The following PHKA2 variants were observed in gnomAD, a reference collection of about 807,000 sequenced individuals.
The protein encoded by PHKA2 is phosphorylase b kinase regulatory subunit alpha, liver isoform.
Under a neutral mutation model 102.0 loss-of-function variants are expected in PHKA2, and 31 were observed. That is an observed-to-expected ratio of 0.30 (90% CI 0.23 to 0.41). The LOEUF is 0.41. PHKA2 is among the 10% of genes least tolerant of loss of function. PHKA2 has a pLI of 1.00. For missense variants in PHKA2, 858 were observed against 1,023.1 expected (o/e 0.84, Z 2.20); for synonymous variants, 455 against 416.2 (o/e 1.09, Z -1.13).
chrX:18,971,028 T>C (rs964144279), intron 1 of PHKA2, among the ~76,000 whole-genome samples: 1 of 112,753 alleles, frequency 8.9e-6, no homozygotes, highest in Non-Finnish European at 1.9e-5. Context: ...ACACTGAAGA[T>C]GGTAAGGCCA....
chrX:18,975,967 CTTTTTTTTT>C (rs200764030), intron 1 of PHKA2, among the ~76,000 whole-genome samples: 22 of 62,985 alleles, frequency 3.5e-4, no homozygotes, highest in African/African-American at 1.4e-3. Flanking sequence ...AAGTCAAATT[CTTTTTTTTT>C]TTTTTTTTTT....
chrX:18,969,474 A>C (rs1284911721), intron 1 of PHKA2, among the ~76,000 whole-genome samples: 1 of 112,266 alleles, frequency 8.9e-6, no homozygotes, highest in Non-Finnish European at 1.9e-5. Flanking sequence ...TAAACTTGAA[A>C]AAAAATTTTT....
intron 12 of PHKA2, among the ~76,000 whole-genome samples, chrX:18,930,548 G>T (rs1249516308): frequency 2.7e-5 from 3 of 111,403 alleles, no homozygotes; most frequent in Non-Finnish European, 3.8e-5. Context: ...ATCAGAGCTG[G>T]AAGGTCAGAG....
intron 3 of PHKA2, 115 bp from the exon 4 acceptor site, chrX:18,951,387 A>G: frequency 1.3e-6 from 1 of 763,076 alleles, no homozygotes; most frequent in African/African-American, 2.0e-5. Flanking sequence ...TCTGGGAGCC[A>G]GAGGGATGGA....
chrX:18,907,027 A>G lies in PHKA2; in HGVS notation c.2588T>C (p.Ile863Thr). The change falls in exon 23 of 33, where the codon ATC (isoleucine) becomes ACC (threonine). Residue 863 changes from isoleucine to threonine, a missense_variant. Around this residue, in one of 2 missense-constraint regions of PHKA2, gnomAD observed 671 missense variants for 745.2 expected, o/e 0.90. Transcript: ENST00000379942. ...AAGGCTGAGGACTTACGCAGAGATG[A>G]TCTTCTCCCGGGGCTCGGGCGGCAG... ...VGLPPEPREK[I>T]ISAPLPPEEL... The G allele has an allele frequency of 8.4e-7, 1 of 1,196,586 alleles. No homozygotes were observed. The highest frequency in any genetic ancestry group is 1.8e-5 in the South Asian group (1 of 54,882).
chrX:18,898,948 A>T (rs993138782), intron 29 of PHKA2, among the ~76,000 whole-genome samples: 2 of 112,478 alleles, frequency 1.8e-5, no homozygotes, highest in Non-Finnish European at 3.8e-5. Flanking sequence ...GCCAAGGAGC[A>T]CAGGCAGAGA....
chrX:18,908,719 T>G, intron 21 of PHKA2, 82 bp downstream of exon 21: 12 of 884,245 alleles, frequency 1.4e-5, no homozygotes, highest in Non-Finnish European at 1.8e-5. Flanking sequence ...TCCGGAACTG[T>G]GAGAAATTCA....
chrX:18,971,533 A>G (rs2049020019), intron 1 of PHKA2, among the ~76,000 whole-genome samples: 1 of 112,087 alleles, frequency 8.9e-6, no homozygotes. Context: ...TGTAATGAAA[A>G]GACAATATTT....
Position 18,930,561 on chromosome X carries a change from G to C in PHKA2, c.1245+1080C>G, listed in dbSNP as rs1316238805. Reference sequence around the variant, plus strand: ...AAATCAGAGCTGGAAGGTCAGAGATGATCAAGTCCATCCTTTTCATTTTAC... The same window carrying C: ...AAATCAGAGCTGGAAGGTCAGAGATCATCAAGTCCATCCTTTTCATTTTAC... On this transcript the variant is annotated intron_variant, in intron 12 of 32. Transcript: ENST00000379942. 4.5e-5 allele frequency among the ~76,000 whole-genome samples: 5 copies of C among 111,370 alleles called. No homozygotes were observed. In the Admixed American group the frequency reaches 4.8e-4, roughly 11 times the overall value.
chrX:18,935,094 T>G (rs2048373616), intron 11 of PHKA2, among the ~76,000 whole-genome samples: 1 of 112,227 alleles, frequency 8.9e-6, no homozygotes, highest in Non-Finnish European at 1.9e-5. Context: ...GACACGGTCC[T>G]CTGAAGGCCT....
In PHKA2 at chrX:18,931,747, A is replaced by T. The variant is rs753032143; in HGVS notation, c.1139T>A (p.Val380Glu). 1.4e-5 allele frequency: 16 copies of T among 1,150,313 alleles called. No individual in the cohort carries two copies. Among genetic ancestry groups the T allele is most frequent in the Non-Finnish European group, 1.9e-5 (16 of 840,767 alleles). 94.8% of individuals were successfully genotyped at this position (1,150,313 alleles called of 1,213,427 possible). A position where few individuals can be genotyped will look rare whatever the true frequency, so the allele number is the denominator to read the frequency against. ...GTGAGGATTCTTGTACTCTTCATCTACCTGGAAAGAGAGACAAATCCAAAG... is the reference window on the plus strand; with the variant it reads ...GTGAGGATTCTTGTACTCTTCATCTTCCTGGAAAGAGAGACAAATCCAAAG... ...PELYAVPPNK[V>E]DEEYKNPHTV... The change falls in exon 12 of 33, where the codon GTA becomes GAA. Residue 380 changes from valine (V) to glutamate (E), a missense_variant and splice_region_variant. Val to Glu is a moderately radical substitution (Grantham distance 121, BLOSUM62 -2). Coordinates refer to ENST00000379942, the MANE Select transcript of PHKA2 (RefSeq NM_000292.3).
chrX:18,910,444 A>T (rs1181750549), intron 20 of PHKA2, among the ~76,000 whole-genome samples: 1 of 111,898 alleles, frequency 8.9e-6, no homozygotes, highest in Non-Finnish European at 1.9e-5. Context: ...ACACCACTGC[A>T]CTCCAGCCTG....
chrX:18,893,611 T>C lies in PHKA2; in HGVS notation c.3582A>G (p.Thr1194=). The change falls in exon 33 of 33, where the codon ACA becomes ACG. Residue 1194 remains threonine, a synonymous_variant. Transcript: ENST00000379942. ...TGTCATAAAAGAAGTGGCAGATTCC[T>C]GTGGCTTGGTCTTTCTCCAGGGTGT... ...AMDTLEKDQA[T]GICHFFYDSA... is the part of the protein sequence containing the mutation. 1.7e-6 allele frequency: 2 copies of C among 1,211,771 alleles called. No homozygotes were observed.
intron 9 of PHKA2, among the ~76,000 whole-genome samples, 175 bp downstream of exon 9, chrX:18,939,820 G>A (rs771343340): frequency 7.1e-5 from 8 of 112,128 alleles, no homozygotes; most frequent in African/African-American, 2.6e-4. Flanking sequence ...CCAGCTCACC[G>A]TCCCTACTAA....
At chrX:18,979,257 CTCTT>C (rs945471212) in intron 1 of PHKA2, among the ~76,000 whole-genome samples, 3 of 112,221 alleles carry the variant, frequency 2.7e-5, no homozygotes, top group African/African-American at 9.7e-5. Flanking sequence ...TCCCAAATTC[CTCTT>C]TATTATTGTT....
intron 1 of PHKA2, among the ~76,000 whole-genome samples, chrX:18,973,025 C>T (rs975599802): frequency 1.8e-5 from 2 of 111,824 alleles, no homozygotes; most frequent in African/African-American, 3.3e-5. Context: ...TTTTCTGAGA[C>T]GGAGTCTCAT....
At chrX:18,982,913 C>T (rs1322706376) in intron 1 of PHKA2, among the ~76,000 whole-genome samples, 1 of 112,290 alleles carries the variant, frequency 8.9e-6, no homozygotes, top group Non-Finnish European at 1.9e-5. Context: ...TACTGCACTA[C>T]GATCATTTAT....
intron 5 of PHKA2, among the ~76,000 whole-genome samples, chrX:18,946,151 C>T (rs1463678217): frequency 9.0e-6 from 1 of 110,888 alleles, no homozygotes; most frequent in African/African-American, 3.3e-5. Flanking sequence ...TGGTCTCAAA[C>T]TCCTGACCTC....
Position 18,973,477 on chromosome X carries a change from G to A in PHKA2, c.78+10378C>T, listed in dbSNP as rs918927215. ...GGGATAAACCACACCTGATCATGAT[G>A]TTTTTTATATACATTGCTTGATTCA... On this transcript the variant is annotated intron_variant, in intron 1 of 32. Transcript: ENST00000379942. Among the ~76,000 whole-genome samples, 10 of 111,597 alleles carry A rather than the reference G, an allele frequency of 9.0e-5. No individual in the cohort carries two copies. The Admixed American group carries it at 9.5e-4, about 11-fold the overall frequency.
Sources: allele counts gnomAD v4.1 joint callset (sites outside exome capture counted in the v4.1 genomes callset), GRCh38; gene constraint gnomAD v4.1.1; regional missense constraint gnomAD v4.1.1; transcripts MANE v1.5; gene names NCBI Gene and HGNC (gene_info 2026-07-23, HGNC 2026-07-21).